Variants in WDR27 observed in about 807,000 individuals in gnomAD.
The protein encoded by WDR27 is WD repeat domain 27.
In WDR27, 100 loss-of-function variants were observed where a neutral mutation model predicts 114.4. The observed-to-expected ratio is 0.87, with a 90% CI of 0.74 to 1.03. The LOEUF (loss-of-function observed/expected upper bound fraction) is 1.03. Among genes scored for constraint, WDR27 ranks in the 50% least tolerant of loss-of-function variants. The pLI, the probability that WDR27 is intolerant of heterozygous loss-of-function variation, is 0.00. For missense variants in WDR27, 1,129 were observed against 1,092.9 expected (o/e 1.03, Z -0.47); for synonymous variants, 449 against 423.1 (o/e 1.06, Z -0.75).
chr6:169,659,464 G>GAT lies in WDR27; in HGVS notation c.1183_1184insAT (p.Thr395AsnfsTer29), dbSNP rs772071405. On this transcript the variant is annotated frameshift_variant, in exon 11 of 26. Transcript: ENST00000448612. LOFTEE classifies it high-confidence loss of function. The surrounding 1 kb of genome is among the most constrained non-coding windows in gnomAD (Gnocchi z 4.3). Reference sequence around the variant, plus strand: ...CTCAGGACTGACCTTTTGATCCGCAGTGCGGTTCCTCAGGGCACACGATCC... The same window carrying GAT: ...CTCAGGACTGACCTTTTGATCCGCAGATTGCGGTTCCTCAGGGCACACGATCC... The GAT allele has an allele frequency of 2.5e-6, 4 of 1,609,356 alleles. No homozygotes were observed. In the Admixed American group the frequency reaches 5.1e-5, roughly 20 times the overall value.
chr6:169,477,980 C>G lies in WDR27; in HGVS notation c.2646-20346G>C, dbSNP rs536785608. Among the ~76,000 whole-genome samples the G allele has an allele frequency of 3.3e-5, 5 of 152,226 alleles. No homozygotes were observed. The East Asian group carries it at 9.6e-4, about 29-fold the overall frequency. On this transcript the variant is annotated intron_variant, in intron 25 of 25. Transcript: ENST00000448612. The stretch of plus-strand genomic sequence containing the variant: ...TTGGCAATAAAAAAAACTATTGATA[C>G]ATAAACAAATCTTAAAAGTACTATG...
chr6:169,582,765 A>G (rs1803716712), intron 24 of WDR27, 71 bp downstream of exon 24: 5 of 1,258,444 alleles, frequency 4.0e-6, no homozygotes, highest in Admixed American at 2.1e-5. Flanking sequence ...AAATAAAGTC[A>G]TAAAGATACA....
intron 21 of WDR27, among the ~76,000 whole-genome samples, chr6:169,629,384 C>T (rs1475617019): frequency 6.6e-6 from 1 of 152,024 alleles, no homozygotes. Context: ...AGTTTTATGG[C>T]TCTGTCATAA....
intron 25 of WDR27, among the ~76,000 whole-genome samples, chr6:169,561,224 A>C (rs1799631596): frequency 6.6e-6 from 1 of 152,118 alleles, no homozygotes; most frequent in Non-Finnish European, 1.5e-5. Context: ...ACATGGTAGA[A>C]AGCGCCAACA....
At chr6:169,689,513 T>G (rs1199548259) in intron 1 of WDR27, among the ~76,000 whole-genome samples, 2 of 152,242 alleles carry the variant, frequency 1.3e-5, no homozygotes, top group African/African-American at 4.8e-5. Flanking sequence ...CTGGGCTTGA[T>G]TCAACAATTT....
chr6:169,649,160 A>G, intron 15 of WDR27, 38 bp downstream of exon 15: 1 of 1,528,976 alleles, frequency 6.5e-7, no homozygotes, highest in Middle Eastern at 1.7e-4. Context: ...GGTCTAGGTT[A>G]TTTCAAATGT....
At chr6:169,457,977 G>GGAGGAGGAA (rs1241634088) in intron 25 of WDR27, among the ~76,000 whole-genome samples, 1 of 100,842 alleles carries the variant, frequency 9.9e-6, no homozygotes, top group African/African-American at 3.1e-5. Flanking sequence ...TCCTGACGGA[G>GGAGGAGGAA]GAGGAGGAGG....
At chr6:169,438,233 TTTC>T in the WDR27 span, among the ~76,000 whole-genome samples, 1 of 111,804 alleles carries the variant, frequency 8.9e-6, no homozygotes, top group Admixed American at 1.4e-4. Context: ...ACTTTTACTT[TTTC>T]TTTTTTTTTT....
At chr6:169,656,366 G>A (rs904991877) in intron 13 of WDR27, among the ~76,000 whole-genome samples, 6 of 152,168 alleles carry the variant, frequency 3.9e-5, no homozygotes, top group Non-Finnish European at 5.9e-5. Context: ...GCTTTCAGAC[G>A]TGAAGCTGTC....
At chr6:169,668,847 TACAA>T (rs1448127119) in intron 4 of WDR27, 1 of 152,270 alleles carries the variant, frequency 6.6e-6, no homozygotes, top group African/African-American at 2.4e-5. Context: ...TGACTTAACT[TACAA>T]ACAGACATTT....
chr6:169,469,909 G>C (rs1474265871), intron 25 of WDR27, among the ~76,000 whole-genome samples: 6 of 152,148 alleles, frequency 3.9e-5, no homozygotes, highest in Non-Finnish European at 7.3e-5. Context: ...CACCCTTAGT[G>C]GTCTTTTTAG....
chr6:169,464,751 C>T (rs1235684765), intron 25 of WDR27, among the ~76,000 whole-genome samples: 1 of 152,218 alleles, frequency 6.6e-6, no homozygotes, highest in East Asian at 1.9e-4. Context: ...AATCAAACAG[C>T]CCAATTTAAA....
the WDR27 span, among the ~76,000 whole-genome samples, chr6:169,446,307 C>T: frequency 3.3e-5 from 5 of 152,222 alleles, no homozygotes; most frequent in Admixed American, 1.3e-4. Flanking sequence ...TTCTGGGAAG[C>T]CAGTCCTGAG....
At chr6:169,476,238 A>C (rs1787140376) in intron 25 of WDR27, among the ~76,000 whole-genome samples, 1 of 151,996 alleles carries the variant, frequency 6.6e-6, no homozygotes, top group East Asian at 1.9e-4. Context: ...AGGGCATAAA[A>C]CCCCTCGTGG....
At chr6:169,540,438 T>G (rs1796694589) in intron 25 of WDR27, among the ~76,000 whole-genome samples, 1 of 152,084 alleles carries the variant, frequency 6.6e-6, no homozygotes, top group Non-Finnish European at 1.5e-5. Context: ...AATCTTTTTT[T>G]TTTTTTCTTT....
intron 2 of WDR27, 81 bp from the exon 3 acceptor site, chr6:169,672,477 A>T: frequency 7.4e-7 from 1 of 1,342,346 alleles, no homozygotes; most frequent in Non-Finnish European, 9.9e-7. Context: ...AAACCTAAGA[A>T]ATTAAAAGAT....
chr6:169,438,218 T>C, the WDR27 span, among the ~76,000 whole-genome samples: 208 of 148,604 alleles, frequency 1.4e-3, 2 homozygotes, highest in African/African-American at 4.8e-3. Context: ...ATTTCACGTG[T>C]TTTTACTTTT....
At chr6:169,593,576 G>A (rs1806184727) in intron 23 of WDR27, among the ~76,000 whole-genome samples, 2 of 152,122 alleles carry the variant, frequency 1.3e-5, no homozygotes, top group East Asian at 1.9e-4. Context: ...GGCCAGGTAT[G>A]GTGGCTCATG....
At position 169,667,175 on chromosome 6, in the gene WDR27, A is replaced by T. The variant is rs1008892780; in HGVS notation, c.673T>A (p.Cys225Ser). ...GAACTGTATATTAATGATCCTGTAC[A>T]ATGGTCCCAGACCTTTGGATAAACA... The part of the protein sequence containing the change: ...EDRGFKVWDH[C>S]TGSLIYSSSV... The change falls in exon 6 of 26, where the codon TGT (cysteine) becomes AGT (serine). Residue 225 changes from cysteine (C) to serine (S), a missense_variant. Physicochemically the swap from Cys to Ser is moderately radical, Grantham distance 112. Coordinates refer to ENST00000448612, the MANE Select transcript of WDR27 (RefSeq NM_182552.5). 2 of 1,529,690 alleles carry T rather than the reference A, an allele frequency of 1.3e-6. No homozygotes were observed. The highest frequency in any genetic ancestry group is 4.8e-5 in the East Asian group (2 of 41,348). The allele number at this position is 1,529,690 out of a possible 1,614,324, so 94.8% of individuals were successfully genotyped here.
Sources: allele counts gnomAD v4.1 joint callset (sites outside exome capture counted in the v4.1 genomes callset), GRCh38; gene constraint gnomAD v4.1.1; non-coding constraint Gnocchi (gnomAD v3.1); transcripts MANE v1.5; gene names NCBI Gene and HGNC (gene_info 2026-07-23, HGNC 2026-07-21).